Variants in SLC14A2 observed in about 807,000 individuals in gnomAD.
SLC14A2 encodes the protein solute carrier family 14 member 2.
A neutral mutation model predicts 104.6 loss-of-function variants in SLC14A2; 91 were observed. The ratio of observed to expected loss-of-function variants is 0.87; its 90% CI spans 0.73 to 1.04. The LOEUF is 1.04. Among genes scored for constraint, SLC14A2 ranks in the 50% least tolerant of loss-of-function variants. SLC14A2 has a pLI of 0.00. For missense variants in SLC14A2, 1,189 were observed against 1,156.0 expected (o/e 1.03, Z -0.41); for synonymous variants, 476 against 466.4 (o/e 1.02, Z -0.27).
In SLC14A2 at chr18:45,396,688, G is replaced by C. The variant is rs866353644; in HGVS notation, c.-124-86545G>C. Among the ~76,000 whole-genome samples the C allele has an allele frequency of 8.5e-5, 12 of 141,048 alleles. No individual in the cohort carries two copies. The South Asian group carries it at 1.3e-3, about 16-fold the overall frequency. 92.5% of individuals were successfully genotyped at this position (141,048 alleles called of 152,430 possible). A position where few individuals can be genotyped will look rare whatever the true frequency, so the allele number is the denominator to read the frequency against. Reference sequence around the variant, plus strand: ...TCTTTTTTTTTAACTTTTATTTTAGGTTCGGGGGTACATGCAAAGGTTTGT... The same window carrying C: ...TCTTTTTTTTTAACTTTTATTTTAGCTTCGGGGGTACATGCAAAGGTTTGT... On this transcript the variant is annotated intron_variant, in intron 1 of 20. Transcript: ENST00000586448.
chr18:45,600,223 T>C (rs1228155631), intron 2 of SLC14A2, among the ~76,000 whole-genome samples: 1 of 152,176 alleles, frequency 6.6e-6, no homozygotes, highest in Non-Finnish European at 1.5e-5. Context: ...TCTCTCTCCC[T>C]CCCTCTCATG....
chr18:45,571,398 C>T (rs1277719652), intron 2 of SLC14A2, among the ~76,000 whole-genome samples: 1 of 152,246 alleles, frequency 6.6e-6, no homozygotes, highest in Non-Finnish European at 1.5e-5. Flanking sequence ...TGCCTGGGGG[C>T]TCTTCCCTCC....
At chr18:45,475,650 T>TG (rs1284702162) in intron 1 of SLC14A2, among the ~76,000 whole-genome samples, 2 of 23,578 alleles carry the variant, frequency 8.5e-5, no homozygotes, top group Non-Finnish European at 1.6e-4. Flanking sequence ...AGGATATATA[T>TG]ATATATATAT....
At chr18:45,198,866 A>G in the SLC14A2 span, among the ~76,000 whole-genome samples, 6 of 141,734 alleles carry the variant, frequency 4.2e-5, no homozygotes, top group Non-Finnish European at 8.1e-5. Flanking sequence ...AAAGAGAAGC[A>G]TATTTTCTCA....
intron 1 of SLC14A2, among the ~76,000 whole-genome samples, chr18:45,239,560 A>G (rs547309495): frequency 3.9e-5 from 6 of 152,252 alleles, no homozygotes; most frequent in African/African-American, 1.4e-4. Context: ...GCTGAAAATC[A>G]TGCCCATCAG....
At chr18:45,588,765 A>G (rs2044604785) in intron 2 of SLC14A2, among the ~76,000 whole-genome samples, 1 of 152,214 alleles carries the variant, frequency 6.6e-6, no homozygotes, top group East Asian at 1.9e-4. Flanking sequence ...TAGAGGGCCC[A>G]GAGGTGGTTT....
intron 1 of SLC14A2, among the ~76,000 whole-genome samples, chr18:45,271,261 A>G (rs911515811): frequency 5.9e-5 from 9 of 152,164 alleles, no homozygotes; most frequent in African/African-American, 1.9e-4. Context: ...TGTTGTGTAG[A>G]CATCTTAGTG....
chr18:45,632,128 GGTGTGTGTGTGTGTGTTTGT>G (rs1255070717), intron 4 of SLC14A2, among the ~76,000 whole-genome samples: 2 of 125,212 alleles, frequency 1.6e-5, no homozygotes, highest in African/African-American at 5.8e-5. Flanking sequence ...GCAAGACAAG[GGTGTGTGTGTGTGTGTTTGT>G]GTGTGTGTGT....
intron 1 of SLC14A2, among the ~76,000 whole-genome samples, chr18:45,321,996 C>T (rs1398954606): frequency 1.3e-5 from 2 of 152,066 alleles, no homozygotes; most frequent in East Asian, 3.9e-4. Flanking sequence ...TGGTGTGGAA[C>T]AAGGGGGTGA....
intron 1 of SLC14A2, among the ~76,000 whole-genome samples, chr18:45,230,728 G>A (rs2084166695): frequency 6.6e-6 from 1 of 152,146 alleles, no homozygotes; most frequent in African/African-American, 2.4e-5. Flanking sequence ...TTCCCCTTAA[G>A]TATTCCTTGT....
intron 1 of SLC14A2, among the ~76,000 whole-genome samples, chr18:45,371,968 G>A (rs1417611936): frequency 6.6e-6 from 1 of 152,134 alleles, no homozygotes; most frequent in Non-Finnish European, 1.5e-5. Context: ...CTTAGATAAG[G>A]CCTTGGGTGG....
intron 2 of SLC14A2, among the ~76,000 whole-genome samples, chr18:45,593,235 T>G (rs1006142110): frequency 6.6e-6 from 1 of 151,244 alleles, no homozygotes; most frequent in African/African-American, 2.4e-5. Context: ...GAGAATGGCG[T>G]GAACCCGGGA....
In SLC14A2 at chr18:45,455,655, A is replaced by AATG. The variant is rs1314401422; in HGVS notation, c.-124-27576_-124-27575insGAT. ...CTTAAAGCATAATAATAATAATAAT[A>AATG]ATAAAGTAAAAAAAAAATCTATTGA... On this transcript the variant is annotated intron_variant, in intron 1 of 20. Transcript: ENST00000586448. 8.5e-5 allele frequency among the ~76,000 whole-genome samples: 12 copies of AATG among 140,854 alleles called. No individual in the cohort carries two copies. The South Asian group carries it at 3.2e-3, about 37-fold the overall frequency. 92.4% of individuals were successfully genotyped at this position (140,854 alleles called of 152,430 possible).
chr18:45,183,284 C>T, the SLC14A2 span, among the ~76,000 whole-genome samples: 1 of 152,156 alleles, frequency 6.6e-6, no homozygotes, highest in East Asian at 1.9e-4. Context: ...CTGATAACAC[C>T]TCTTGGGGTA....
Position 45,285,783 on chromosome 18 carries a change from A to G in SLC14A2, c.-125+72592A>G, listed in dbSNP as rs546028641. On this transcript the variant is annotated intron_variant, in intron 1 of 20. Coordinates refer to the SLC14A2 transcript ENST00000586448. ...CCATAGTCAGAGTTTCATGCATGAC[A>G]TGTCTCAGGGCGAGGCCTGTGTGGT... Among the ~76,000 whole-genome samples, 3 of 149,536 alleles carry G rather than the reference A, an allele frequency of 2.0e-5. No individual in the cohort carries two copies. In the South Asian group the frequency reaches 6.3e-4, roughly 32 times the overall value.
At chr18:45,302,258 A>G (rs1385540546) in intron 1 of SLC14A2, among the ~76,000 whole-genome samples, 1 of 152,228 alleles carries the variant, frequency 6.6e-6, no homozygotes, top group African/African-American at 2.4e-5. Flanking sequence ...GTCAGTTTTT[A>G]GATGATAATG....
chr18:45,604,812 A>G (rs996413833), intron 2 of SLC14A2, among the ~76,000 whole-genome samples: 10 of 152,230 alleles, frequency 6.6e-5, no homozygotes, highest in Non-Finnish European at 1.5e-4. Flanking sequence ...TAGACTTCAC[A>G]GTTTTGGCAT....
chr18:45,647,957 T>C (rs1237717366), intron 10 of SLC14A2: 2 of 152,154 alleles, frequency 1.3e-5, no homozygotes, highest in Admixed American at 6.5e-5. Flanking sequence ...AATTGATTTG[T>C]TAATTGTATT....
chr18:45,590,744 GGA>G (rs2044635925), intron 2 of SLC14A2, among the ~76,000 whole-genome samples: 1 of 152,184 alleles, frequency 6.6e-6, no homozygotes, highest in South Asian at 2.1e-4. Context: ...CAGCTGCCAG[GGA>G]CAGCTTCATG....
Sources: allele counts gnomAD v4.1 joint callset (sites outside exome capture counted in the v4.1 genomes callset), GRCh38; gene constraint gnomAD v4.1.1; transcripts MANE v1.5; gene names NCBI Gene and HGNC (gene_info 2026-07-23, HGNC 2026-07-21).